The following ZNF503 variants were observed in gnomAD, a reference collection of about 807,000 sequenced individuals.
ZNF503 encodes zinc finger protein 503.
ZNF503 carries 15 observed loss-of-function variants against 34.4 expected under a neutral mutation model. That is an observed-to-expected ratio of 0.44 (90% confidence interval 0.29 to 0.67). The LOEUF is 0.67. Among genes scored for constraint, ZNF503 ranks in the 30% least tolerant of loss-of-function variants. The pLI, the probability that ZNF503 is intolerant of heterozygous loss-of-function variation, is 0.13. For missense variants in ZNF503, 1,007 were observed against 926.8 expected (o/e 1.09, Z -1.12); for synonymous variants, 580 against 456.8 (o/e 1.27, Z -3.44).
At chr10:75,355,535 G>A in the ZNF503 span, among the ~76,000 whole-genome samples, 1 of 152,100 alleles carries the variant, frequency 6.6e-6, no homozygotes, top group African/African-American at 2.4e-5. Flanking sequence ...TCATGACTGA[G>A]TCCTCCCCAC....
intron 1 of ZNF503, among the ~76,000 whole-genome samples, 190 bp from the exon 2 acceptor site, chr10:75,400,564 GCAGCAGATTGCTCCCC>G (rs1161760183): frequency 6.6e-5 from 10 of 152,198 alleles, no homozygotes; most frequent in Non-Finnish European, 1.2e-4. Flanking sequence ...GTTGGGAAAG[GCAGCAGATTGCTCCCC>G]CCGCCCAACC....
At chr10:75,374,071 C>T in the ZNF503 span, among the ~76,000 whole-genome samples, 105,038 of 152,164 alleles carry the variant, frequency 0.69, 37,279 homozygotes, top group African/African-American at 0.86. Flanking sequence ...CCCAGCACTT[C>T]GGGAGACCGA....
chr10:75,353,071 G>A, the ZNF503 span, among the ~76,000 whole-genome samples: 2 of 152,218 alleles, frequency 1.3e-5, no homozygotes, highest in Non-Finnish European at 2.9e-5. Context: ...CTGAGTTGAC[G>A]GGCAAGTCAA....
At position 75,401,354 on chromosome 10, in the gene ZNF503, T is replaced by TCCGCCGCCGCCG. The variant is rs760375543; in HGVS notation, c.54_65dup (p.Gly24_Gly27dup). 6.6e-7 allele frequency: 1 copy of TCCGCCGCCGCCG among 1,516,806 alleles called. No homozygotes were observed. The highest frequency in any genetic ancestry group is 8.7e-7 in the Non-Finnish European group (1 of 1,144,988). The allele number at this position is 1,516,806 out of a possible 1,614,324, so 94.0% of individuals were successfully genotyped here. On this transcript the variant is annotated inframe_insertion, in exon 1 of 2. Transcript: ENST00000372524. Reference sequence around the variant, plus strand: ...CAGGGTCTGCACCGCCGCCTCCGCCTCCGCCGCCGCCGCCGCCGCTGTGCT... The same window carrying TCCGCCGCCGCCG: ...CAGGGTCTGCACCGCCGCCTCCGCCTCCGCCGCCGCCGCCGCCGCCGCCGCCGCCGCTGTGCT...
the ZNF503 span, chr10:75,373,547 C>A: frequency 6.6e-6 from 1 of 152,190 alleles, no homozygotes; most frequent in East Asian, 1.9e-4. Flanking sequence ...ACCTGGGACT[C>A]CCTTTCCTAG....
At chr10:75,294,821 T>A in the ZNF503 span, among the ~76,000 whole-genome samples, 1 of 150,778 alleles carries the variant, frequency 6.6e-6, no homozygotes, top group Non-Finnish European at 1.5e-5. Context: ...GGAGGGGGTG[T>A]CAGCGAGGGG....
chr10:75,357,671 T>G, the ZNF503 span, among the ~76,000 whole-genome samples: 2 of 151,250 alleles, frequency 1.3e-5, no homozygotes, highest in Non-Finnish European at 3.0e-5. Context: ...GTAATTTCTC[T>G]AAGGCCCAGA....
the ZNF503 span, among the ~76,000 whole-genome samples, chr10:75,297,139 C>G: frequency 1.3e-5 from 2 of 152,140 alleles, no homozygotes; most frequent in African/African-American, 4.8e-5. Context: ...TTATTTCTGT[C>G]TATCCTACTC....
the ZNF503 span, among the ~76,000 whole-genome samples, chr10:75,377,671 A>C: frequency 2.6e-5 from 4 of 152,178 alleles, no homozygotes; most frequent in African/African-American, 9.7e-5. Context: ...TGAAGTGGGC[A>C]TGTGGGACTT....
chr10:75,346,952 G>A, the ZNF503 span, among the ~76,000 whole-genome samples: 5 of 151,992 alleles, frequency 3.3e-5, no homozygotes, highest in African/African-American at 7.2e-5. Flanking sequence ...CTGGCCAGGC[G>A]CCCCCATTTT....
the ZNF503 span, among the ~76,000 whole-genome samples, chr10:75,380,418 A>G: frequency 6.6e-6 from 1 of 152,122 alleles, no homozygotes; most frequent in African/African-American, 2.4e-5. Flanking sequence ...AACCCAGACA[A>G]TGGGGCCCTG....
the ZNF503 span, among the ~76,000 whole-genome samples, chr10:75,289,867 G>T: frequency 1.3e-5 from 2 of 152,082 alleles, no homozygotes; most frequent in Non-Finnish European, 2.9e-5. Context: ...CACCCAGCCT[G>T]TAACCATTTT....
At chr10:75,329,457 TTCTCTTTC>T in the ZNF503 span, among the ~76,000 whole-genome samples, 3 of 136,154 alleles carry the variant, frequency 2.2e-5, no homozygotes, top group South Asian at 2.3e-4. Context: ...CTTTCTTTCT[TTCTCTTTC>T]TTTCTTTCTT....
the ZNF503 span, among the ~76,000 whole-genome samples, chr10:75,286,447 G>A: frequency 6.6e-6 from 1 of 152,290 alleles, no homozygotes; most frequent in African/African-American, 2.4e-5. Flanking sequence ...CACTGGCATG[G>A]GTCATGTTCC....
intron 1 of ZNF503, among the ~76,000 whole-genome samples, chr10:75,400,656 T>C (rs935863595): frequency 1.3e-5 from 2 of 151,872 alleles, no homozygotes; most frequent in African/African-American, 4.8e-5. Flanking sequence ...GAGCAAAATG[T>C]TTTGGTTTTC....
the ZNF503 span, among the ~76,000 whole-genome samples, chr10:75,319,799 G>T: frequency 6.6e-6 from 1 of 152,172 alleles, no homozygotes; most frequent in African/African-American, 2.4e-5. Context: ...AGAAAATGAT[G>T]TATCATGCAT....
rs921742982 is a variant in ZNF503, at chr10:75,398,483, C to CT, written c.*265dup. 782 of 353,264 alleles carry CT rather than the reference C, an allele frequency of 2.2e-3. No homozygotes were observed. The highest frequency in any genetic ancestry group is 5.2e-3 in the Middle Eastern group (7 of 1,354). The allele number at this position is 353,264 out of a possible 1,614,324, so 21.9% of individuals were successfully genotyped here. The stretch of plus-strand genomic sequence containing the variant: ...TGAACACTTTCTCAATTATTTTTTC[C>CT]TTTTTTTTTCTATAAAAAGTCAAAT... On this transcript the variant is annotated 3_prime_UTR_variant, in exon 2 of 2. Coordinates refer to ENST00000372524, the MANE Select transcript of ZNF503 (RefSeq NM_032772.6).
chr10:75,370,178 A>C, the ZNF503 span, among the ~76,000 whole-genome samples: 1 of 152,182 alleles, frequency 6.6e-6, no homozygotes, highest in South Asian at 2.1e-4. Context: ...ACATTTTAAT[A>C]AGTAGGTATT....
chr10:75,401,037 GA>G, intron 1 of ZNF503, 67 bp downstream of exon 1: 3 of 1,603,844 alleles, frequency 1.9e-6, no homozygotes, highest in Admixed American at 1.7e-5. Flanking sequence ...CAGATCCCGA[GA>G]AAAAGAAAGC....
Sources: allele counts gnomAD v4.1 joint callset (sites outside exome capture counted in the v4.1 genomes callset), GRCh38; gene constraint gnomAD v4.1.1; transcripts MANE v1.5; gene names NCBI Gene and HGNC (gene_info 2026-07-23, HGNC 2026-07-21).